The following GABRG2 variants were observed in gnomAD, a reference collection of about 807,000 sequenced individuals.
GABRG2 encodes gamma-aminobutyric acid receptor subunit gamma-2.
In GABRG2, 16 loss-of-function variants were observed where a neutral mutation model predicts 56.4. That is an observed-to-expected ratio of 0.28 (90% CI 0.19 to 0.43). The LOEUF (loss-of-function observed/expected upper bound fraction) is 0.43, where lower values mean the gene tolerates loss of function less well. Among genes scored for constraint, GABRG2 ranks in the 20% least tolerant of loss-of-function variants. GABRG2 has a pLI of 1.00. For missense variants in GABRG2, 327 were observed against 582.7 expected (o/e 0.56, Z 4.52); for synonymous variants, 208 against 205.5 (o/e 1.01, Z -0.10).
intron 1 of GABRG2, among the ~76,000 whole-genome samples, chr5:162,082,317 C>G (rs1019594444): frequency 6.6e-6 from 1 of 151,770 alleles, no homozygotes; most frequent in African/African-American, 2.4e-5. Flanking sequence ...AAGGCACTCT[C>G]ATTTTGTAAT....
At chr5:162,068,231 G>A in intron 1 of GABRG2, 125 bp downstream of exon 1, 1 of 724,596 alleles carries the variant, frequency 1.4e-6, no homozygotes, top group South Asian at 1.5e-5. Flanking sequence ...TTACAATTTA[G>A]GAGAGAGCGA....
At chr5:162,144,554 A>G (rs1434943840) in intron 7 of GABRG2, among the ~76,000 whole-genome samples, 1 of 152,194 alleles carries the variant, frequency 6.6e-6, no homozygotes, top group African/African-American at 2.4e-5. Flanking sequence ...TATGGTCTCT[A>G]TGTCTTTTCT....
chr5:162,127,978 C>T (rs1697264417), intron 6 of GABRG2, among the ~76,000 whole-genome samples: 1 of 151,920 alleles, frequency 6.6e-6, no homozygotes, highest in African/African-American at 2.4e-5. Context: ...TGAAGTTATG[C>T]AGGAGGTGGA....
At chr5:162,137,152 G>A (rs559808170) in intron 6 of GABRG2, among the ~76,000 whole-genome samples, 1 of 152,076 alleles carries the variant, frequency 6.6e-6, no homozygotes, top group Non-Finnish European at 1.5e-5. Context: ...TTAAGCTCAG[G>A]GATTGGGATT....
At chr5:162,093,312 C>A (rs1288108727) in intron 1 of GABRG2, among the ~76,000 whole-genome samples, 2 of 152,050 alleles carry the variant, frequency 1.3e-5, no homozygotes, top group African/African-American at 2.4e-5. Context: ...GAAGCAAAAG[C>A]AAAGAGATTG....
chr5:162,121,193 T>G (rs1471207859), intron 6 of GABRG2, among the ~76,000 whole-genome samples: 1 of 152,168 alleles, frequency 6.6e-6, no homozygotes, highest in African/African-American at 2.4e-5. Flanking sequence ...CTGAGTTTAA[T>G]ATTCATCTAG....
intron 1 of GABRG2, among the ~76,000 whole-genome samples, chr5:162,089,035 A>C (rs1412589760): frequency 6.6e-6 from 1 of 152,138 alleles, no homozygotes; most frequent in Non-Finnish European, 1.5e-5. Context: ...GATAAATTCT[A>C]TGAAACAATC....
chr5:162,099,822 T>A (rs1761284500), intron 4 of GABRG2: 1 of 152,190 alleles, frequency 6.6e-6, no homozygotes, highest in Admixed American at 6.5e-5. Context: ...ATGATTTTGT[T>A]CTGGCTATCT....
At chr5:162,120,844 AG>A in intron 6 of GABRG2, among the ~76,000 whole-genome samples, 1 of 152,276 alleles carries the variant, frequency 6.6e-6, no homozygotes, top group East Asian at 1.9e-4. Context: ...GTTTAGATTA[AG>A]AATTCCCATT....
intron 6 of GABRG2, among the ~76,000 whole-genome samples, chr5:162,121,611 A>T (rs564988008): frequency 6.6e-6 from 1 of 152,068 alleles, no homozygotes; most frequent in Non-Finnish European, 1.5e-5. Context: ...TGTATTTGAT[A>T]AGAAGGTTTC....
rs116719974 is a variant in GABRG2, at chr5:162,086,045, C to A, written c.108-7783C>A. Among the ~76,000 whole-genome samples, 515 of 151,772 alleles carry A rather than the reference C, an allele frequency of 3.4e-3. 6 individuals are homozygous for A. Among genetic ancestry groups the A allele is most frequent in the African/African-American group, 0.012 (501 of 41,436 alleles). On this transcript the variant is annotated intron_variant, in intron 1 of 9. Coordinates refer to ENST00000639213, the MANE Select transcript of GABRG2 (RefSeq NM_198904.4). The stretch of plus-strand genomic sequence containing the variant: ...TGTGAATAGTGCTACAATAAACATA[C>A]TCGTGCATGCTTTGTTTCATTATGG...
At chr5:162,090,307 C>A (rs148095523) in intron 1 of GABRG2, among the ~76,000 whole-genome samples, 1 of 139,824 alleles carries the variant, frequency 7.2e-6, no homozygotes, top group East Asian at 2.1e-4. Context: ...CATAGACATA[C>A]ACATACACAT....
intron 4 of GABRG2, chr5:162,099,982 A>C (rs1279810923): frequency 6.6e-6 from 1 of 152,156 alleles, no homozygotes; most frequent in Non-Finnish European, 1.5e-5. Flanking sequence ...TATCAAGTTT[A>C]ATTGTAGCTT....
chr5:162,130,485 G>T (rs1763661192), intron 6 of GABRG2, among the ~76,000 whole-genome samples: 1 of 151,854 alleles, frequency 6.6e-6, no homozygotes, highest in Non-Finnish European at 1.5e-5. Context: ...AAATGTCAGT[G>T]CCTGGGTTAG....
intron 6 of GABRG2, among the ~76,000 whole-genome samples, chr5:162,116,267 T>G (rs925542078): frequency 1.3e-5 from 2 of 151,956 alleles, no homozygotes; most frequent in Non-Finnish European, 2.9e-5. Context: ...ATCCTTTATC[T>G]ATTTATCTTA....
chr5:162,129,184 A>C (rs1405413355), intron 6 of GABRG2: 1 of 152,028 alleles, frequency 6.6e-6, no homozygotes, highest in African/African-American at 2.4e-5. Flanking sequence ...GTTTGTGATC[A>C]ATGTTTATGT....
intron 8 of GABRG2, chr5:162,149,952 A>T (rs1240239587): frequency 4.8e-6 from 1 of 208,664 alleles, no homozygotes; most frequent in Non-Finnish European, 9.9e-6. Context: ...TTAAATTAAA[A>T]CTTCCATCTC....
intron 1 of GABRG2, among the ~76,000 whole-genome samples, chr5:162,079,265 C>T (rs977679109): frequency 2.6e-5 from 4 of 152,074 alleles, no homozygotes; most frequent in African/African-American, 9.7e-5. Context: ...TCTAGAAACT[C>T]AAATGAGGAT....
intron 6 of GABRG2, among the ~76,000 whole-genome samples, chr5:162,140,116 G>A (rs1043354437): frequency 6.6e-6 from 1 of 152,190 alleles, no homozygotes; most frequent in South Asian, 2.1e-4. Flanking sequence ...AGCATATGCT[G>A]TGGGAATTAG....
Sources: gnomAD v4.1 joint callset for allele counts (sites outside exome capture counted in the v4.1 genomes callset) on GRCh38, gnomAD v4.1.1 for gene constraint, MANE v1.5 for transcripts, NCBI Gene and HGNC (gene_info 2026-07-23, HGNC 2026-07-21) for gene names.